The following ZNF536 variants were observed in gnomAD, a reference collection of about 807,000 sequenced individuals.
The protein encoded by ZNF536 is zinc finger protein 536.
Under a neutral mutation model 84.5 loss-of-function variants are expected in ZNF536, and 13 were observed. The ratio of observed to expected loss-of-function variants is 0.15; its 90% CI spans 0.10 to 0.24. The LOEUF (loss-of-function observed/expected upper bound fraction) is 0.24. Ranked by LOEUF, ZNF536 falls within the 10% of genes least tolerant of loss-of-function variation. The pLI, the probability that ZNF536 is intolerant of heterozygous loss-of-function variation, is 1.00. For synonymous variants in ZNF536, 811 were observed against 742.5 expected (o/e 1.09, Z -1.50); for missense variants, 1,536 against 1,747.5 (o/e 0.88, Z 2.16).
At chr19:30,527,599 A>G (rs2145826841) in intron 2 of ZNF536, among the ~76,000 whole-genome samples, 1 of 152,212 alleles carries the variant, frequency 6.6e-6, no homozygotes. Context: ...TGATGCAACC[A>G]CAGAGACACC....
intron 1 of ZNF536, among the ~76,000 whole-genome samples, chr19:30,252,940 G>T (rs557181913): frequency 6.6e-6 from 1 of 152,282 alleles, no homozygotes; most frequent in South Asian, 2.1e-4. Flanking sequence ...CATTTATTTT[G>T]TAGGGCTTTA....
In ZNF536 at chr19:30,674,155, G is replaced by C. The variant is rs184270923; in HGVS notation, c.170-36602G>C. 2.0e-5 allele frequency among the ~76,000 whole-genome samples: 3 copies of C among 152,348 alleles called. No homozygotes were observed. The East Asian group carries it at 5.8e-4, about 29-fold the overall frequency. On this transcript the variant is annotated intron_variant, in intron 1 of 1. Coordinates refer to the ZNF536 transcript ENST00000592773. ...TGAGGCACTCGGAAATATTATCTGAGAGGAGCAGGTTGGCGGGGTGACAGC... is the reference window on the plus strand; with the variant it reads ...TGAGGCACTCGGAAATATTATCTGACAGGAGCAGGTTGGCGGGGTGACAGC...
intron 2 of ZNF536, among the ~76,000 whole-genome samples, chr19:30,350,078 G>A (rs2047885949): frequency 1.3e-5 from 2 of 151,854 alleles, no homozygotes; most frequent in South Asian, 2.1e-4. Flanking sequence ...GGTGTCTGCC[G>A]GACAATCTCC....
chr19:30,648,044 A>G (rs1042902664), intron 1 of ZNF536, among the ~76,000 whole-genome samples: 2 of 152,168 alleles, frequency 1.3e-5, no homozygotes, highest in South Asian at 2.1e-4. Flanking sequence ...TGAGGGATGC[A>G]TCGGTTCTCC....
intron 1 of ZNF536, among the ~76,000 whole-genome samples, chr19:30,669,322 T>G (rs1396374527): frequency 6.6e-6 from 1 of 152,162 alleles, no homozygotes; most frequent in African/African-American, 2.4e-5. Context: ...CGGGCAGACG[T>G]GTTCCAAGGA....
At chr19:30,273,702 T>C (rs1012332280) in intron 1 of ZNF536, among the ~76,000 whole-genome samples, 1 of 152,232 alleles carries the variant, frequency 6.6e-6, no homozygotes, top group Non-Finnish European at 1.5e-5. Context: ...TTCATTCTCT[T>C]AACCCTTTCT....
At chr19:30,523,480 G>A (rs989254681) in intron 2 of ZNF536, among the ~76,000 whole-genome samples, 15 of 152,086 alleles carry the variant, frequency 9.9e-5, no homozygotes, top group African/African-American at 2.9e-4. Flanking sequence ...TTTGACCTGG[G>A]GCTTTTGGAC....
chr19:30,423,117 C>CCATG (rs2051049595), intron 1 of ZNF536, among the ~76,000 whole-genome samples: 1 of 96,008 alleles, frequency 1.0e-5, no homozygotes, highest in African/African-American at 4.4e-5. Context: ...ATCCATCCAT[C>CCATG]CATGCATCCA....
At chr19:30,541,771 T>A (rs1044769685) in intron 3 of ZNF536, among the ~76,000 whole-genome samples, 3 of 152,180 alleles carry the variant, frequency 2.0e-5, no homozygotes, top group Admixed American at 6.5e-5. Context: ...ATGCTCACAT[T>A]TTAATGGGAA....
chr19:30,247,054 G>A (rs1186197672), intron 1 of ZNF536, among the ~76,000 whole-genome samples: 11 of 152,202 alleles, frequency 7.2e-5, no homozygotes, highest in Admixed American at 7.2e-4. Context: ...GCTTTCCGCT[G>A]GGGTTTGGGC....
At chr19:30,659,434 A>G (rs1347459552) in intron 1 of ZNF536, among the ~76,000 whole-genome samples, 1 of 152,122 alleles carries the variant, frequency 6.6e-6, no homozygotes, top group Non-Finnish European at 1.5e-5. Flanking sequence ...CACTCCCACC[A>G]GGTCCCACCT....
chr19:30,668,945 G>A (rs915087217), intron 1 of ZNF536, among the ~76,000 whole-genome samples: 9 of 152,254 alleles, frequency 5.9e-5, no homozygotes, highest in Non-Finnish European at 1.0e-4. Context: ...AGAAGGGCCA[G>A]GCCACGGAGG....
Position 30,279,553 on chromosome 19 carries a change from C to T in ZNF536, c.-189-4519C>T, listed in dbSNP as rs373930618. On this transcript the variant is annotated intron_variant, in intron 1 of 5. Coordinates refer to the ZNF536 transcript ENST00000585628. Reference sequence around the variant, plus strand: ...CTTCCAGATCCGGTTGGAGGAGCTGCGGTTTTTTGGTAGGGTCCTTGTTGC... The same window carrying T: ...CTTCCAGATCCGGTTGGAGGAGCTGTGGTTTTTTGGTAGGGTCCTTGTTGC... Among the ~76,000 whole-genome samples, 104 of 152,308 alleles carry T rather than the reference C, an allele frequency of 6.8e-4. 1 individual carries two copies. Among genetic ancestry groups the T allele is most frequent in the African/African-American group, 2.4e-3 (99 of 41,572 alleles).
At position 30,507,974 on chromosome 19, in the gene ZNF536, G is replaced by A. The variant is rs79599540; in HGVS notation, c.2171-26873G>A. On this transcript the variant is annotated intron_variant, in intron 2 of 4. Transcript: ENST00000355537. ...GAGACTTCAAGATCTGTGAGGGCAGGATCCTTGCCTGTTTAACTTAGGAGT... is the reference window on the plus strand; with the variant it reads ...GAGACTTCAAGATCTGTGAGGGCAGAATCCTTGCCTGTTTAACTTAGGAGT... 6.7e-3 allele frequency among the ~76,000 whole-genome samples: 1,019 copies of A among 152,248 alleles called. 8 individuals are homozygous for A. The highest frequency in any genetic ancestry group is 0.011 in the Non-Finnish European group (770 of 68,004).
chr19:30,282,017 T>C (rs1029129454), intron 1 of ZNF536, among the ~76,000 whole-genome samples: 3 of 152,174 alleles, frequency 2.0e-5, no homozygotes, highest in Non-Finnish European at 2.9e-5. Context: ...GTTTCTTTCA[T>C]TGAGGAAGAC....
intron 2 of ZNF536, among the ~76,000 whole-genome samples, chr19:30,327,186 C>T (rs1462251445): frequency 6.6e-6 from 1 of 152,180 alleles, no homozygotes; most frequent in Non-Finnish European, 1.5e-5. Flanking sequence ...AATTTAATCT[C>T]CTGTTTGCTT....
At chr19:30,518,200 G>T (rs866999568) in intron 2 of ZNF536, among the ~76,000 whole-genome samples, 2 of 152,166 alleles carry the variant, frequency 1.3e-5, no homozygotes, top group South Asian at 4.1e-4. Context: ...ACCTCCTGTT[G>T]CAGGCGAAGG....
downstream of ZNF536, among the ~76,000 whole-genome samples, chr19:30,560,582 A>AC (rs144209484): frequency 5.2e-4 from 79 of 151,594 alleles, no homozygotes; most frequent in Non-Finnish European, 9.4e-4. Context: ...ATAAGAGACC[A>AC]CCCCCCCGCC....
chr19:30,486,628 T>G (rs931039203), intron 2 of ZNF536, among the ~76,000 whole-genome samples: 1 of 152,214 alleles, frequency 6.6e-6, no homozygotes, highest in Non-Finnish European at 1.5e-5. Flanking sequence ...GTAATGAGAT[T>G]GCTGGGTCAA....
Sources: gnomAD v4.1 joint callset for allele counts (sites outside exome capture counted in the v4.1 genomes callset) on GRCh38, gnomAD v4.1.1 for gene constraint, MANE v1.5 for transcripts, NCBI Gene and HGNC (gene_info 2026-07-23, HGNC 2026-07-21) for gene names.